The following ADCY5 variants were observed in gnomAD, a reference collection of about 807,000 sequenced individuals.
ADCY5 encodes the protein adenylate cyclase type 5.
ADCY5 carries 30 observed loss-of-function variants against 119.7 expected under a neutral mutation model. That is an observed-to-expected ratio of 0.25 (90% CI 0.19 to 0.34). The LOEUF (loss-of-function observed/expected upper bound fraction) is 0.34, where lower values mean the gene tolerates loss of function less well. ADCY5 is among the 10% of genes least tolerant of loss of function. ADCY5 has a pLI of 1.00. For missense variants in ADCY5, 1,324 were observed against 1,775.2 expected (o/e 0.75, Z 4.57); for synonymous variants, 753 against 762.2 (o/e 0.99, Z 0.20).
chr3:123,404,687 G>C (rs1259130169), intron 1 of ADCY5: 1 of 152,240 alleles, frequency 6.6e-6, no homozygotes, highest in African/African-American at 2.4e-5. Flanking sequence ...CCCAGCCGCA[G>C]GGGCTCTGAG....
chr3:123,300,353 GC>G, intron 14 of ADCY5, 58 bp from the exon 15 acceptor site: 12 of 1,563,214 alleles, frequency 7.7e-6, no homozygotes, highest in Non-Finnish European at 9.6e-6. Flanking sequence ...CCGGGCCCTG[GC>G]CCCATGCATC....
At chr3:123,442,307 G>A (rs189878328) in intron 1 of ADCY5, among the ~76,000 whole-genome samples, 38 of 152,284 alleles carry the variant, frequency 2.5e-4, no homozygotes, top group African/African-American at 8.9e-4. Context: ...AAGAGGCTGC[G>A]CCATCACGGG....
chr3:123,352,668 A>T lies in ADCY5; in HGVS notation c.1135-87T>A. The stretch of plus-strand genomic sequence containing the variant: ...AAGCCCTCAGCCCCTGTCTCAGCAA[A>T]CTCACACCTGGCGCTAGCAAACAAA... On this transcript the variant is annotated intron_variant, in intron 1 of 20. Transcript: ENST00000462833. The surrounding 1 kb of genome is among the most constrained non-coding windows in gnomAD (Gnocchi z 4.8). 2.8e-6 allele frequency: 4 copies of T among 1,445,642 alleles called. No individual in the cohort carries two copies. Among genetic ancestry groups the T allele is most frequent in the Non-Finnish European group, 3.7e-6 (4 of 1,077,786 alleles). 89.6% of individuals were successfully genotyped at this position (1,445,642 alleles called of 1,614,324 possible).
chr3:123,375,938 G>A (rs890810974), intron 1 of ADCY5, among the ~76,000 whole-genome samples: 3 of 140,930 alleles, frequency 2.1e-5, no homozygotes, highest in Admixed American at 1.5e-4. Flanking sequence ...GGGACTCCAC[G>A]CGAGCCTTTG....
At chr3:123,285,738 A>G (rs1158572096) in intron 20 of ADCY5, among the ~76,000 whole-genome samples, 7 of 152,174 alleles carry the variant, frequency 4.6e-5, no homozygotes, top group Non-Finnish European at 1.0e-4. Context: ...CCTTGGAAAC[A>G]CACATGCCCC....
intron 2 of ADCY5, among the ~76,000 whole-genome samples, chr3:123,350,632 C>T (rs147729725): frequency 6.6e-6 from 1 of 152,344 alleles, no homozygotes; most frequent in Non-Finnish European, 1.5e-5. Flanking sequence ...GGAGCCCCAG[C>T]AGCTCTTTCT....
chr3:123,284,034 C>A lies in ADCY5; in HGVS notation c.*574G>T. On this transcript the variant is annotated 3_prime_UTR_variant, in exon 21 of 21. Transcript: ENST00000462833. ...CCCCCTCGTAATTAGTTCTGTTTCC[C>A]TCCTAGGGCACTGTCTGTGTGCGTG... 6.6e-6 allele frequency: 1 copy of A among 152,504 alleles called. No individual in the cohort carries two copies. The highest frequency in any genetic ancestry group is 1.5e-5 in the Non-Finnish European group (1 of 68,164). The allele number at this position is 152,504 out of a possible 1,614,324, so 9.4% of individuals were successfully genotyped here.
rs1450251957 is a variant in ADCY5 at position 123,284,011 on chromosome 3, C to T, written c.*597G>A. 1 of 152,208 alleles carries T rather than the reference C, an allele frequency of 6.6e-6. No homozygotes were observed. Among genetic ancestry groups the T allele is most frequent in the Non-Finnish European group, 1.5e-5 (1 of 68,074 alleles). The allele number at this position is 152,208 out of a possible 1,614,324, so 9.4% of individuals were successfully genotyped here. ...CCTTGCTTGGCGTCCTCTTGCCTCC[C>T]CCTCGTAATTAGTTCTGTTTCCCTC... On this transcript the variant is annotated 3_prime_UTR_variant, in exon 21 of 21. Transcript: ENST00000462833.
chr3:123,301,065 G>A (rs1198955813), intron 14 of ADCY5, among the ~76,000 whole-genome samples: 2 of 151,814 alleles, frequency 1.3e-5, no homozygotes, highest in Non-Finnish European at 2.9e-5. Flanking sequence ...CTGAGCCTCC[G>A]TTTCCTTCTT....
chr3:123,304,257 T>A, intron 12 of ADCY5, 74 bp from the exon 13 acceptor site: 1 of 1,013,300 alleles, frequency 9.9e-7, no homozygotes, highest in Non-Finnish European at 1.5e-6. Context: ...CCACAAATGG[T>A]CCCGGGAGTG....
intron 1 of ADCY5, among the ~76,000 whole-genome samples, chr3:123,391,083 C>T (rs1944389301): frequency 6.6e-6 from 1 of 152,254 alleles, no homozygotes; most frequent in Non-Finnish European, 1.5e-5. Flanking sequence ...GCCCAGCACA[C>T]CTGCACATGA....
intron 1 of ADCY5, among the ~76,000 whole-genome samples, chr3:123,381,404 T>A (rs1203496054): frequency 6.6e-6 from 1 of 152,134 alleles, no homozygotes; most frequent in Non-Finnish European, 1.5e-5. Flanking sequence ...CCCAGAAGCC[T>A]CTCCCCAAAG....
intron 1 of ADCY5, among the ~76,000 whole-genome samples, chr3:123,353,482 T>A (rs1331869285): frequency 6.6e-6 from 1 of 152,144 alleles, no homozygotes; most frequent in Non-Finnish European, 1.5e-5. Context: ...TGGGGCCACA[T>A]GGAACAGAGC....
At chr3:123,422,905 C>T (rs888396112) in intron 1 of ADCY5, among the ~76,000 whole-genome samples, 2 of 152,196 alleles carry the variant, frequency 1.3e-5, no homozygotes, top group Non-Finnish European at 2.9e-5. Context: ...GAGATACCAC[C>T]CGATAGGAGC....
intron 1 of ADCY5, among the ~76,000 whole-genome samples, chr3:123,384,776 C>T (rs981386379): frequency 2.0e-5 from 3 of 152,164 alleles, no homozygotes; most frequent in African/African-American, 7.2e-5. Flanking sequence ...CCCAAGTTTT[C>T]TAACTTGGGA....
chr3:123,330,810 G>C, intron 5 of ADCY5, 79 bp downstream of exon 5: 1 of 1,482,468 alleles, frequency 6.7e-7, no homozygotes, highest in South Asian at 1.4e-5. Context: ...CTCCAACTAG[G>C]CAGCCGGCAG....
chr3:123,317,461 G>A (rs183798050), intron 11 of ADCY5, among the ~76,000 whole-genome samples: 7 of 152,224 alleles, frequency 4.6e-5, no homozygotes, highest in South Asian at 2.1e-4. Flanking sequence ...TTGACCAGGC[G>A]TGGTGGCTCA....
intron 1 of ADCY5, among the ~76,000 whole-genome samples, chr3:123,376,487 T>C (rs1023015228): frequency 6.6e-6 from 1 of 152,122 alleles, no homozygotes; most frequent in African/African-American, 2.4e-5. Context: ...GTCCAGACTG[T>C]ATATTTTTGA....
chr3:123,326,285 C>T (rs537416264), intron 7 of ADCY5, among the ~76,000 whole-genome samples: 7 of 152,214 alleles, frequency 4.6e-5, no homozygotes, highest in Non-Finnish European at 1.0e-4. Flanking sequence ...AACACACTCC[C>T]CAGGATCTCA....
Sources: gnomAD v4.1 joint callset for allele counts (sites outside exome capture counted in the v4.1 genomes callset) on GRCh38, gnomAD v4.1.1 for gene constraint, Gnocchi (gnomAD v3.1) non-coding constraint, MANE v1.5 for transcripts, NCBI Gene and HGNC (gene_info 2026-07-23, HGNC 2026-07-21) for gene names.